AP1S3: variants seen among roughly 807,000 people sequenced by gnomAD.
AP1S3 encodes the protein AP-1 complex subunit sigma-3.
A neutral mutation model predicts 20.9 loss-of-function variants in AP1S3; 10 were observed. The observed-to-expected ratio is 0.48, with a 90% CI of 0.29 to 0.81. AP1S3 has a LOEUF of 0.81. Among genes scored for constraint, AP1S3 ranks in the 30% least tolerant of loss-of-function variants. AP1S3 has a pLI of 0.08. For synonymous variants in AP1S3, 41 were observed against 61.5 expected, an observed-to-expected ratio of 0.67 and a Z score of 1.56; for missense variants, 154 against 183.8, an observed-to-expected ratio of 0.84 and a Z score of 0.94.
intron 1 of AP1S3, among the ~76,000 whole-genome samples, chr2:223,823,034 C>T (rs1220776788): frequency 1.3e-5 from 2 of 152,054 alleles, no homozygotes; most frequent in Non-Finnish European, 2.9e-5. Context: ...TTAAGAGCCA[C>T]AGTGAAATAC....
At chr2:223,762,910 T>G (rs967679418) in intron 4 of AP1S3, among the ~76,000 whole-genome samples, 5 of 151,658 alleles carry the variant, frequency 3.3e-5, no homozygotes, top group Non-Finnish European at 5.9e-5. Context: ...TAACTACAAA[T>G]ATATGATTGG....
At position 223,758,189 on chromosome 2, in the gene AP1S3, T is replaced by C. The variant is rs1467613768; in HGVS notation, c.*526A>G. 2.0e-6 allele frequency: 2 copies of C among 981,298 alleles called. No homozygotes were observed. The highest frequency in any genetic ancestry group is 3.5e-5 in the African/African-American group (2 of 57,144). 60.8% of individuals were successfully genotyped at this position (981,298 alleles called of 1,614,324 possible). A position where few individuals can be genotyped will look rare whatever the true frequency, so the allele number is the denominator to read the frequency against. The stretch of plus-strand genomic sequence containing the variant: ...GCACATTAAAATCAGACATTTTGTA[T>C]GTGAATTGCAGTTACAGTACTATTA... On this transcript the variant is annotated 3_prime_UTR_variant, in exon 5 of 5. Coordinates refer to ENST00000396654, the MANE Select transcript of AP1S3 (RefSeq NM_001039569.2).
chr2:223,762,266 C>A (rs1268447413), intron 4 of AP1S3, among the ~76,000 whole-genome samples: 1 of 116,212 alleles, frequency 8.6e-6, no homozygotes, highest in Non-Finnish European at 1.8e-5. Context: ...TTGTGCCCAG[C>A]AATTTTTTTT....
intron 1 of AP1S3, among the ~76,000 whole-genome samples, chr2:223,783,267 T>A (rs1690991040): frequency 6.6e-6 from 1 of 152,148 alleles, no homozygotes; most frequent in African/African-American, 2.4e-5. Context: ...TTGGCCCAAA[T>A]GCTTGGAACC....
At chr2:223,823,773 T>C (rs528097972) in intron 1 of AP1S3, among the ~76,000 whole-genome samples, 2 of 152,312 alleles carry the variant, frequency 1.3e-5, no homozygotes, top group South Asian at 2.1e-4. Context: ...ATTACAAATA[T>C]GTGAGGTAAC....
intron 3 of AP1S3, among the ~76,000 whole-genome samples, 167 bp downstream of exon 3, chr2:223,775,734 G>A (rs1690767869): frequency 6.6e-6 from 1 of 152,148 alleles, no homozygotes; most frequent in South Asian, 2.1e-4. Flanking sequence ...TATAGGTAGG[G>A]AGAAAAATCT....
chr2:223,770,212 G>C (rs1482857478), intron 3 of AP1S3: 1 of 1,550,824 alleles, frequency 6.4e-7, no homozygotes, highest in Non-Finnish European at 8.7e-7. Context: ...GTCAGAAAAG[G>C]CAGAAGTCAG....
intron 1 of AP1S3, among the ~76,000 whole-genome samples, chr2:223,831,664 G>T (rs1308407786): frequency 6.6e-6 from 1 of 152,172 alleles, no homozygotes; most frequent in African/African-American, 2.4e-5. Context: ...AAAAAGACAG[G>T]CCCCAGGGAA....
At chr2:223,758,828 TTTTA>T in intron 4 of AP1S3, 78 bp from the exon 5 acceptor site, 1 of 1,230,884 alleles carries the variant, frequency 8.1e-7, no homozygotes, top group East Asian at 2.5e-5. Context: ...TTCTGCATTC[TTTTA>T]TTTATTTGCC....
At chr2:223,763,468 T>G (rs896678543) in intron 4 of AP1S3, among the ~76,000 whole-genome samples, 2 of 151,132 alleles carry the variant, frequency 1.3e-5, no homozygotes, top group Non-Finnish European at 2.9e-5. Context: ...GACTCCACAG[T>G]CAGGACCCTG....
chr2:223,807,629 G>A (rs766932185), intron 1 of AP1S3, among the ~76,000 whole-genome samples: 12 of 152,054 alleles, frequency 7.9e-5, no homozygotes, highest in Non-Finnish European at 1.6e-4. Context: ...CTGTTCTTGC[G>A]ATAGTAAGTG....
rs369743824 is a variant in AP1S3 at position 223,806,723 on chromosome 2, C to CTG, written c.4-28856_4-28855dup. Among the ~76,000 whole-genome samples, 216 of 150,672 alleles carry CTG rather than the reference C, an allele frequency of 1.4e-3. 5 individuals are homozygous for CTG. In the South Asian group the frequency reaches 0.031, roughly 22 times the overall value. ...CATTCTTATAGATAAAAACATATAC[C>CTG]TGTGTGTGTGTGTGTGAGAAAGTGA... On this transcript the variant is annotated intron_variant, in intron 1 of 4. Transcript: ENST00000396654.
chr2:223,826,888 A>G (rs886511100), intron 1 of AP1S3, among the ~76,000 whole-genome samples: 1 of 152,176 alleles, frequency 6.6e-6, no homozygotes, highest in African/African-American at 2.4e-5. Flanking sequence ...AACACCCTGC[A>G]TGGTAATGAC....
At chr2:223,802,307 A>ATT (rs1019742137) in intron 1 of AP1S3, among the ~76,000 whole-genome samples, 2 of 69,860 alleles carry the variant, frequency 2.9e-5, no homozygotes, top group African/African-American at 1.2e-4. Flanking sequence ...GTTTTATTTT[A>ATT]TTTTTTTTTT....
At chr2:223,764,035 C>CA (rs1418222562) in intron 4 of AP1S3, among the ~76,000 whole-genome samples, 1 of 152,156 alleles carries the variant, frequency 6.6e-6, no homozygotes, top group Non-Finnish European at 1.5e-5. Context: ...TCTACTGCCT[C>CA]AGCCTCCCAA....
chr2:223,763,396 A>G (rs1424411977), intron 4 of AP1S3, among the ~76,000 whole-genome samples: 3 of 152,184 alleles, frequency 2.0e-5, no homozygotes, highest in Admixed American at 6.5e-5. Flanking sequence ...TTGGCCCCCA[A>G]TTCAGCTTTA....
intron 1 of AP1S3, among the ~76,000 whole-genome samples, chr2:223,791,647 A>T (rs1190749109): frequency 2.0e-5 from 3 of 152,122 alleles, no homozygotes; most frequent in African/African-American, 7.2e-5. Context: ...CTCTTTCACT[A>T]CTCTTATTCC....
At chr2:223,828,245 G>C (rs556611229) in intron 1 of AP1S3, among the ~76,000 whole-genome samples, 2 of 150,464 alleles carry the variant, frequency 1.3e-5, no homozygotes, top group East Asian at 3.9e-4. Flanking sequence ...AGATCAAAGC[G>C]CTCACACAGG....
intron 3 of AP1S3, among the ~76,000 whole-genome samples, chr2:223,770,727 ATTTT>A (rs764596538): frequency 5.2e-5 from 6 of 115,316 alleles, no homozygotes; most frequent in South Asian, 2.8e-4. Context: ...AGACCAGTTC[ATTTT>A]TTTTTTTTTT....
Sources: allele counts gnomAD v4.1 joint callset (sites outside exome capture counted in the v4.1 genomes callset), GRCh38; gene constraint gnomAD v4.1.1; transcripts MANE v1.5; gene names NCBI Gene and HGNC (gene_info 2026-07-23, HGNC 2026-07-21).